TRUB2: variants seen among roughly 807,000 people sequenced by gnomAD.
TRUB2 encodes the protein TruB pseudouridine synthase family member 2.
Under a neutral mutation model 31.9 loss-of-function variants are expected in TRUB2, and 31 were observed. That is an observed-to-expected ratio of 0.97 (90% CI 0.73 to 1.31). TRUB2 has a LOEUF of 1.31. Ranked by LOEUF, TRUB2 falls within the 50% of genes most tolerant of loss-of-function variation. TRUB2 has a pLI of 0.00. For missense variants in TRUB2, 451 were observed against 439.6 expected (o/e 1.03, Z -0.23); for synonymous variants, 201 against 182.6 (o/e 1.10, Z -0.81).
intron 5 of TRUB2, among the ~76,000 whole-genome samples, chr9:128,312,134 CTTTT>C (rs61513949): frequency 7.3e-5 from 8 of 109,362 alleles, no homozygotes; most frequent in African/African-American, 2.4e-4. Context: ...TGCACCCAGA[CTTTT>C]TTTTTTTTTT....
chr9:128,312,615 ATTT>A (rs756476106), intron 5 of TRUB2, among the ~76,000 whole-genome samples: 6 of 126,740 alleles, frequency 4.7e-5, no homozygotes, highest in African/African-American at 5.5e-5. Flanking sequence ...TATTATTATT[ATTT>A]TTTTTTTTTT....
At chr9:128,317,953 A>G (rs1832096198) in intron 2 of TRUB2, among the ~76,000 whole-genome samples, 1 of 152,216 alleles carries the variant, frequency 6.6e-6, no homozygotes, top group Non-Finnish European at 1.5e-5. Flanking sequence ...TTCTGGTCAA[A>G]CCTCTAGATT....
At chr9:128,321,277 G>A (rs207470624) in intron 2 of TRUB2, among the ~76,000 whole-genome samples, 55 of 152,314 alleles carry the variant, frequency 3.6e-4, no homozygotes, top group Middle Eastern at 3.4e-3. Context: ...TTAGTGACAC[G>A]TGAAAATTAC....
rs553445581 is a variant in TRUB2, at chr9:128,315,690, C to T, written c.317-62G>A. On this transcript the variant is annotated intron_variant, in intron 3 of 7. Transcript: ENST00000372890. ...CCCTTCCCATTCCCCTAAGTATCCC[C>T]ACCCCTACCCCCACCATCAGAATAC... 100 of 1,546,584 alleles carry T rather than the reference C, an allele frequency of 6.5e-5. 2 individuals carry two copies. The South Asian group carries it at 1.1e-3, about 18-fold the overall frequency.
chr9:128,309,723 C>A lies in TRUB2; in HGVS notation c.823G>T (p.Asp275Tyr). 1 of 1,614,234 alleles carries A rather than the reference C, an allele frequency of 6.2e-7. No individual in the cohort carries two copies. Among genetic ancestry groups the A allele is most frequent in the East Asian group, 2.2e-5 (1 of 44,888 alleles). ...LDSALLRTQW[D>Y]LTNIQDAIRA... ...ATAGCATCCTGGATGTTGGTTAGGT[C>A]CCACTGGGTCCTCAGGAGGGCACTG... The change falls in exon 8 of 8, where the codon GAC (aspartate) becomes TAC (tyrosine). Residue 275 changes from aspartate (D) to tyrosine (Y), a missense_variant. Physicochemically the swap from Asp to Tyr is radical, Grantham distance 160. Coordinates refer to ENST00000372890, the MANE Select transcript of TRUB2 (RefSeq NM_015679.3).
At position 128,309,612 on chromosome 9, in the gene TRUB2, A is replaced by G. The variant is rs1484705951; in HGVS notation, c.934T>C (p.Trp312Arg). 1 of 1,614,114 alleles carries G rather than the reference A, an allele frequency of 6.2e-7. No homozygotes were observed. Among genetic ancestry groups the G allele is most frequent in the East Asian group, 2.2e-5 (1 of 44,878 alleles). The change falls in exon 8 of 8, where the codon TGG becomes CGG. Residue 312 changes from tryptophan (W) to arginine (R), a missense_variant. Trp to Arg is a moderately radical substitution (Grantham distance 101). Transcript: ENST00000372890. ...LDTKQLPSPG[W>R]SWDSQGPSST... ...CTCGGGCCCTGGGAGTCCCAGGACC[A>G]TCCCGGACTGGGGAGCTGCTTGGTG...
chr9:128,318,965 T>G (rs1234989380), intron 2 of TRUB2, among the ~76,000 whole-genome samples: 1 of 152,004 alleles, frequency 6.6e-6, no homozygotes, highest in Admixed American at 6.6e-5. Flanking sequence ...GCAGATCACT[T>G]GAGCCCAGGA....
chr9:128,309,447 G>T lies in TRUB2; in HGVS notation c.*103C>A. The T allele has an allele frequency of 7.8e-7, 1 of 1,281,278 alleles. No individual in the cohort carries two copies. The highest frequency in any genetic ancestry group is 1.1e-6 in the Non-Finnish European group (1 of 932,250). The allele number at this position is 1,281,278 out of a possible 1,614,324, so 79.4% of individuals were successfully genotyped here. A position where few individuals can be genotyped will look rare whatever the true frequency, so the allele number is the denominator to read the frequency against. ...TTACAGCTTGAGTTTTGTGTCTTACGTAGAAAAGGTGCCCCTGCTCTCACT... is the reference window on the plus strand; with the variant it reads ...TTACAGCTTGAGTTTTGTGTCTTACTTAGAAAAGGTGCCCCTGCTCTCACT... On this transcript the variant is annotated 3_prime_UTR_variant, in exon 8 of 8. Transcript: ENST00000372890.
intron 1 of TRUB2, among the ~76,000 whole-genome samples, chr9:128,322,032 G>C (rs763233818): frequency 6.6e-6 from 1 of 152,216 alleles, no homozygotes; most frequent in Non-Finnish European, 1.5e-5. Context: ...ATGGTGCAGA[G>C]GGCAGTATAG....
In TRUB2 at chr9:128,311,413, G is replaced by A. The variant is rs1246532925; in HGVS notation, c.533+116C>T. On this transcript the variant is annotated intron_variant, in intron 6 of 7. Coordinates refer to ENST00000372890, the MANE Select transcript of TRUB2 (RefSeq NM_015679.3). ...GCCAAGAAAGAAACAGGTAGCTCCC[G>A]TCTGGTTCTGGGCTCTAAAAACAAG... 18 of 1,067,924 alleles carry A rather than the reference G, an allele frequency of 1.7e-5. 1 individual carries two copies. Among genetic ancestry groups the A allele is most frequent in the South Asian group, 1.2e-4 (9 of 77,126 alleles). The allele number at this position is 1,067,924 out of a possible 1,614,324, so 66.2% of individuals were successfully genotyped here.
At chr9:128,315,354 G>A (rs1162030990) in intron 4 of TRUB2, among the ~76,000 whole-genome samples, 4 of 152,128 alleles carry the variant, frequency 2.6e-5, no homozygotes, top group East Asian at 1.9e-4. Context: ...AGGAATCCAC[G>A]TACAGTGCTC....
intron 6 of TRUB2, 101 bp from the exon 7 acceptor site, chr9:128,311,124 C>T: frequency 6.7e-7 from 1 of 1,500,810 alleles, no homozygotes; most frequent in Non-Finnish European, 9.0e-7. Flanking sequence ...TGTGCCCTGC[C>T]ACCGTGGCTC....
rs1243672924 is a variant in TRUB2, at chr9:128,309,776, C to T, written c.770G>A (p.Arg257His). ...KTTAVCTQVRRTRDGFFTLDS... is the reference protein window; with the variant it reads ...KTTAVCTQVRHTRDGFFTLDS... ...TAGCGTGAAGAAGCCGTCGCGCGTG[C>T]GCCGCACTTGGGTGCAGACAGCAGT... is the stretch of plus-strand genomic sequence containing the variant. Residue 257 changes from arginine (R) to histidine (H), a missense_variant, in exon 8 of 8, where the codon CGC becomes CAC. Coordinates refer to ENST00000372890, the MANE Select transcript of TRUB2 (RefSeq NM_015679.3). 12 of 1,614,252 alleles carry T rather than the reference C, an allele frequency of 7.4e-6. No homozygotes were observed. The highest frequency in any genetic ancestry group is 9.3e-6 in the Non-Finnish European group (11 of 1,180,048).
chr9:128,310,792 GAGCCAGACAAC>G, intron 7 of TRUB2, 84 bp downstream of exon 7: 1 of 1,539,186 alleles, frequency 6.5e-7, no homozygotes, highest in South Asian at 1.2e-5. Context: ...GGCCTCAGCT[GAGCCAGACAAC>G]AGTGACCTCT....
intron 7 of TRUB2, among the ~76,000 whole-genome samples, chr9:128,310,396 T>A (rs1021778349): frequency 2.6e-5 from 4 of 151,614 alleles, no homozygotes; most frequent in Non-Finnish European, 5.9e-5. Context: ...TAAATGATTA[T>A]CTTTAAAATG....
At chr9:128,310,389 ATGAT>A (rs1403597182) in intron 7 of TRUB2, among the ~76,000 whole-genome samples, 1 of 151,800 alleles carries the variant, frequency 6.6e-6, no homozygotes, top group Admixed American at 6.6e-5. Flanking sequence ...AGAAAGATAA[ATGAT>A]TATCTTTAAA....
chr9:128,319,098 G>A (rs938199191), intron 2 of TRUB2, among the ~76,000 whole-genome samples: 4 of 151,764 alleles, frequency 2.6e-5, no homozygotes, highest in African/African-American at 4.8e-5. Context: ...AGGCCGAGGC[G>A]GGTGGATCAC....
chr9:128,315,878 C>G lies in TRUB2; in HGVS notation c.317-250G>C, dbSNP rs1308124551. 66 of 523,168 alleles carry G rather than the reference C, an allele frequency of 1.3e-4. 1 individual carries two copies. Among genetic ancestry groups the G allele is most frequent in the Non-Finnish European group, 9.4e-5 (27 of 287,312 alleles). 32.4% of individuals were successfully genotyped at this position (523,168 alleles called of 1,614,324 possible). A position where few individuals can be genotyped will look rare whatever the true frequency, so the allele number is the denominator to read the frequency against. ...GGGGGCCTAGGATCCCTGCCAAGCT[C>G]TCCACAGGATTCTGACACCTGAGAG... On this transcript the variant is annotated intron_variant, in intron 3 of 7. Coordinates refer to ENST00000372890, the MANE Select transcript of TRUB2 (RefSeq NM_015679.3).
At chr9:128,310,632 T>A (rs770252099) in intron 7 of TRUB2, among the ~76,000 whole-genome samples, 3 of 152,040 alleles carry the variant, frequency 2.0e-5, no homozygotes, top group Non-Finnish European at 2.9e-5. Context: ...TAACCTTTGC[T>A]TGGTAAGGTC....
Sources: gnomAD v4.1 joint callset for allele counts (sites outside exome capture counted in the v4.1 genomes callset) on GRCh38, gnomAD v4.1.1 for gene constraint, MANE v1.5 for transcripts, NCBI Gene and HGNC (gene_info 2026-07-23, HGNC 2026-07-21) for gene names.